PTPRD: variants seen among roughly 807,000 people sequenced by gnomAD.
PTPRD encodes protein tyrosine phosphatase receptor type D.
In PTPRD, 34 loss-of-function variants were observed where a neutral mutation model predicts 214.5. The observed-to-expected ratio is 0.16, with a 90% CI of 0.12 to 0.21. The LOEUF (loss-of-function observed/expected upper bound fraction) is 0.21. Among genes scored for constraint, PTPRD ranks in the 10% least tolerant of loss-of-function variants. The pLI, the probability that PTPRD is intolerant of heterozygous loss-of-function variation, is 1.00. For missense variants in PTPRD, 2,545 were observed against 2,398.7 expected (o/e 1.06, Z -1.27); for synonymous variants, 1,128 against 845.7 (o/e 1.33, Z -5.79).
intron 9 of PTPRD, among the ~76,000 whole-genome samples, chr9:9,252,270 C>G (rs2131628966): frequency 6.6e-6 from 1 of 152,134 alleles, no homozygotes; most frequent in African/African-American, 2.4e-5. Flanking sequence ...AAGGAAATCT[C>G]TGTTGGTCAT....
intron 11 of PTPRD, among the ~76,000 whole-genome samples, chr9:9,013,942 A>G (rs2099522408): frequency 6.6e-6 from 1 of 152,142 alleles, no homozygotes; most frequent in Non-Finnish European, 1.5e-5. Context: ...CTTGCAGTTT[A>G]ACCAATCTCA....
At chr9:9,861,480 TG>T (rs2062764795) in intron 5 of PTPRD, among the ~76,000 whole-genome samples, 1 of 152,058 alleles carries the variant, frequency 6.6e-6, no homozygotes, top group Non-Finnish European at 1.5e-5. Context: ...TTAGTAGAGA[TG>T]GGGTTTCACC....
At chr9:8,848,009 C>G (rs1335313255) in intron 11 of PTPRD, among the ~76,000 whole-genome samples, 1 of 151,858 alleles carries the variant, frequency 6.6e-6, no homozygotes, top group Non-Finnish European at 1.5e-5. Flanking sequence ...GATTTCTTAC[C>G]TGTTGGGCAG....
At chr9:9,195,108 A>G (rs981994878) in intron 9 of PTPRD, among the ~76,000 whole-genome samples, 1 of 91,448 alleles carries the variant, frequency 1.1e-5, no homozygotes, top group Admixed American at 1.3e-4. Context: ...ATATATATAT[A>G]CACACACACA....
In PTPRD at chr9:10,115,439, T is replaced by C. The variant is rs184765169; in HGVS notation, c.-544-81649A>G. Reference sequence around the variant, plus strand: ...TAGGTAATTAGGTGACCAAAATAATTTGAGAACTACTAGTTACATTATGAA... The same window carrying C: ...TAGGTAATTAGGTGACCAAAATAATCTGAGAACTACTAGTTACATTATGAA... On this transcript the variant is annotated intron_variant, in intron 3 of 45. Coordinates refer to ENST00000381196, the MANE Select transcript of PTPRD (RefSeq NM_002839.4). Among the ~76,000 whole-genome samples, 168 of 152,232 alleles carry C rather than the reference T, an allele frequency of 1.1e-3. 1 individual carries two copies. Among genetic ancestry groups the C allele is most frequent in the African/African-American group, 3.9e-3 (161 of 41,574 alleles).
rs569074340 is a variant in PTPRD at position 10,005,256 on chromosome 9, A to T, written c.-472+28462T>A. Among the ~76,000 whole-genome samples, 4 of 152,234 alleles carry T rather than the reference A, an allele frequency of 2.6e-5. No homozygotes were observed. In the South Asian group the frequency reaches 8.3e-4, roughly 32 times the overall value. Reference sequence around the variant, plus strand: ...AACCAACAGCTTTTTAAAGTAAAAGAGACCTTAAAACATGCTACCACTCGA... The same window carrying T: ...AACCAACAGCTTTTTAAAGTAAAAGTGACCTTAAAACATGCTACCACTCGA... On this transcript the variant is annotated intron_variant, in intron 4 of 45. Coordinates refer to ENST00000381196, the MANE Select transcript of PTPRD (RefSeq NM_002839.4).
At chr9:9,129,673 C>T (rs1488482735) in intron 10 of PTPRD, among the ~76,000 whole-genome samples, 1 of 152,144 alleles carries the variant, frequency 6.6e-6, no homozygotes, top group African/African-American at 2.4e-5. Context: ...TAACAAATAC[C>T]TTGTCTCTGA....
chr9:9,045,814 T>C (rs2099670829), intron 10 of PTPRD, among the ~76,000 whole-genome samples: 1 of 152,160 alleles, frequency 6.6e-6, no homozygotes, highest in Non-Finnish European at 1.5e-5. Flanking sequence ...ATCAGAAAGC[T>C]GTAAAAACTG....
At chr9:9,554,914 A>G (rs551550766) in intron 8 of PTPRD, among the ~76,000 whole-genome samples, 26 of 152,218 alleles carry the variant, frequency 1.7e-4, no homozygotes, top group Middle Eastern at 6.8e-3. Flanking sequence ...CAAAATGTGG[A>G]TTTTAATTTG....
chr9:9,646,040 A>G (rs978578710), intron 7 of PTPRD, among the ~76,000 whole-genome samples: 14 of 152,340 alleles, frequency 9.2e-5, no homozygotes, highest in African/African-American at 3.1e-4. Context: ...GTTGCTTTAG[A>G]ATACAATTCA....
Position 10,404,662 on chromosome 9 carries a change from G to T in PTPRD, c.-599-63645C>A, listed in dbSNP as rs2098330219. Among the ~76,000 whole-genome samples the T allele has an allele frequency of 4.1e-5, 2 of 49,026 alleles. 1 individual carries two copies. The highest frequency in any genetic ancestry group is 1.2e-3 in the South Asian group (2 of 1,634). 32.2% of individuals were successfully genotyped at this position (49,026 alleles called of 152,430 possible). The stretch of plus-strand genomic sequence containing the variant: ...CTAGAAATTATCATTTCATGTTCTG[G>T]CATCTTATTTGGAATATCAAACTGT... On this transcript the variant is annotated intron_variant, in intron 2 of 45. Transcript: ENST00000381196.
chr9:8,738,438 G>A (rs541954953), intron 11 of PTPRD, among the ~76,000 whole-genome samples: 1 of 152,006 alleles, frequency 6.6e-6, no homozygotes, highest in South Asian at 2.1e-4. Flanking sequence ...AGACAAACTA[G>A]GGCCTAGAGT....
chr9:8,880,304 A>G (rs1002625055), intron 11 of PTPRD, among the ~76,000 whole-genome samples: 5 of 152,268 alleles, frequency 3.3e-5, no homozygotes, highest in South Asian at 2.1e-4. Flanking sequence ...GGGATTGTAA[A>G]TCCTCTCTCA....
intron 10 of PTPRD, among the ~76,000 whole-genome samples, chr9:9,098,139 C>A (rs1043624540): frequency 6.6e-6 from 1 of 152,064 alleles, no homozygotes; most frequent in African/African-American, 2.4e-5. Context: ...TGTATCACCT[C>A]AAATCACACA....
intron 3 of PTPRD, among the ~76,000 whole-genome samples, chr9:10,092,715 A>G (rs2098444673): frequency 1.3e-5 from 2 of 151,692 alleles, no homozygotes; most frequent in Non-Finnish European, 3.0e-5. Context: ...CTATAAAGAT[A>G]TAGTAACCAA....
At chr9:9,986,512 A>C (rs2095714776) in intron 4 of PTPRD, among the ~76,000 whole-genome samples, 1 of 152,194 alleles carries the variant, frequency 6.6e-6, no homozygotes. Flanking sequence ...GTGTAAACCC[A>C]AAAGCCTCAA....
chr9:8,349,805 T>A (rs16927608), intron 39 of PTPRD, among the ~76,000 whole-genome samples: 1 of 152,082 alleles, frequency 6.6e-6, no homozygotes, highest in Non-Finnish European at 1.5e-5. Context: ...TTGGTCTCTG[T>A]TATCCCTAAA....
At chr9:9,137,904 T>G (rs1167157562) in intron 10 of PTPRD, among the ~76,000 whole-genome samples, 1 of 152,174 alleles carries the variant, frequency 6.6e-6, no homozygotes, top group Non-Finnish European at 1.5e-5. Flanking sequence ...CGACCATTGT[T>G]TTCATTATAT....
rs1039194215 is a variant in PTPRD, at chr9:8,825,796, C to T, written c.-103-91850G>A. Among the ~76,000 whole-genome samples, 6 of 111,112 alleles carry T rather than the reference C, an allele frequency of 5.4e-5. 1 individual carries two copies. Among genetic ancestry groups the T allele is most frequent in the African/African-American group, 1.2e-4 (3 of 24,936 alleles). 72.9% of individuals were successfully genotyped at this position (111,112 alleles called of 152,430 possible). A position where few individuals can be genotyped will look rare whatever the true frequency, so the allele number is the denominator to read the frequency against. Reference sequence around the variant, plus strand: ...TTATTCATGCCTCCCCTTTCTAGACCATATAGAGTAACTTCCGACATTCCC... The same window carrying T: ...TTATTCATGCCTCCCCTTTCTAGACTATATAGAGTAACTTCCGACATTCCC... On this transcript the variant is annotated intron_variant, in intron 11 of 45. Transcript: ENST00000381196.
Sources: gnomAD v4.1 joint callset for allele counts (sites outside exome capture counted in the v4.1 genomes callset) on GRCh38, gnomAD v4.1.1 for gene constraint, MANE v1.5 for transcripts, NCBI Gene and HGNC (gene_info 2026-07-23, HGNC 2026-07-21) for gene names.